The following NRG1 variants were observed in gnomAD, a reference collection of about 807,000 sequenced individuals.
The protein encoded by NRG1 is pro-neuregulin-1, membrane-bound isoform.
NRG1 carries 18 observed loss-of-function variants against 63.8 expected under a neutral mutation model. That is an observed-to-expected ratio of 0.28 (90% CI 0.19 to 0.42). The LOEUF (loss-of-function observed/expected upper bound fraction) is 0.42. Among genes scored for constraint, NRG1 ranks in the 10% least tolerant of loss-of-function variants. The probability of loss-of-function intolerance (pLI) is 1.00; values close to 1 mark genes in which losing one functional copy is unlikely to be tolerated. For synonymous variants in NRG1, 302 were observed against 301.3 expected, an observed-to-expected ratio of 1.00 and a Z score of -0.02; for missense variants, 762 against 814.7, an observed-to-expected ratio of 0.94 and a Z score of 0.79.
rs113454230 is a variant in NRG1, at chr8:32,585,866, T to C, written c.101-9962T>C. ...CCTATTGATAGATCATTAAATAAAATCTTTAGCACATTGTCTGGTAGTTAA... is the reference window on the plus strand; with the variant it reads ...CCTATTGATAGATCATTAAATAAAACCTTTAGCACATTGTCTGGTAGTTAA... On this transcript the variant is annotated intron_variant, in intron 1 of 11. Coordinates refer to ENST00000356819, the Ensembl canonical transcript of NRG1. Among the ~76,000 whole-genome samples the C allele has an allele frequency of 4.0e-3, 614 of 152,242 alleles. 2 individuals carry two copies. Among genetic ancestry groups the C allele is most frequent in the Middle Eastern group, 0.02 (6 of 294 alleles).
At chr8:32,323,578 G>C (rs529395415) in intron 1 of NRG1, among the ~76,000 whole-genome samples, 1 of 152,330 alleles carries the variant, frequency 6.6e-6, no homozygotes, top group Non-Finnish European at 1.5e-5. Context: ...AGAATTGTGA[G>C]CTCTAAATGA....
At chr8:32,530,948 A>C (rs1331146737) in intron 1 of NRG1, among the ~76,000 whole-genome samples, 1 of 152,118 alleles carries the variant, frequency 6.6e-6, no homozygotes, top group Non-Finnish European at 1.5e-5. Context: ...AAATACAAAA[A>C]TTAGCCAGAC....
intron 1 of NRG1, among the ~76,000 whole-genome samples, chr8:32,048,159 A>G (rs895707639): frequency 6.6e-6 from 1 of 151,766 alleles, no homozygotes; most frequent in Non-Finnish European, 1.5e-5. Flanking sequence ...ACTGATGGAC[A>G]CTGAGGTTAA....
At chr8:32,158,277 G>T (rs1170098309) in intron 1 of NRG1, among the ~76,000 whole-genome samples, 1 of 151,130 alleles carries the variant, frequency 6.6e-6, no homozygotes, top group Non-Finnish European at 1.5e-5. Context: ...GATCACCCAG[G>T]GTACTTTTAA....
Position 32,119,899 on chromosome 8 carries a change from G to T in NRG1, c.38-475929G>T, listed in dbSNP as rs116456935. Among the ~76,000 whole-genome samples the T allele has an allele frequency of 5.1e-3, 775 of 152,182 alleles. 4 individuals carry two copies. Among genetic ancestry groups the T allele is most frequent in the African/African-American group, 0.018 (738 of 41,546 alleles). The stretch of plus-strand genomic sequence containing the variant: ...AGTTTTTGATCTATTAGTTCTAGCA[G>T]TTAGCTTCCTCTAAAAAATACAATT... On this transcript the variant is annotated intron_variant, in intron 1 of 10. Transcript: ENST00000519301.
chr8:31,648,131 T>G (rs1804468415), intron 1 of NRG1, among the ~76,000 whole-genome samples: 1 of 127,566 alleles, frequency 7.8e-6, no homozygotes, highest in Non-Finnish European at 1.6e-5. Context: ...ACTCTTTTTT[T>G]TTTTTTTTTT....
At chr8:32,328,428 C>CTT (rs61698666) in intron 1 of NRG1, among the ~76,000 whole-genome samples, 46 of 141,418 alleles carry the variant, frequency 3.3e-4, no homozygotes, top group Non-Finnish European at 4.3e-4. Flanking sequence ...AATTTAACAT[C>CTT]TTTTTTTTTT....
At chr8:32,139,492 A>G (rs994289536) in intron 1 of NRG1, 2 of 152,228 alleles carry the variant, frequency 1.3e-5, no homozygotes, top group African/African-American at 4.8e-5. Context: ...TGATCTCTGA[A>G]AAAGTAATAT....
At chr8:32,065,359 C>A (rs979159452) in intron 1 of NRG1, among the ~76,000 whole-genome samples, 1 of 152,144 alleles carries the variant, frequency 6.6e-6, no homozygotes, top group Admixed American at 6.6e-5. Context: ...CCCCCTCCCA[C>A]CACCCCACAA....
intron 1 of NRG1, among the ~76,000 whole-genome samples, chr8:31,920,292 G>A (rs533443932): frequency 2.3e-5 from 2 of 87,150 alleles, no homozygotes; most frequent in Admixed American, 1.3e-4. Flanking sequence ...AACTACCTTC[G>A]TGCTTTAAAT....
chr8:32,054,023 A>T (rs1047706858), intron 1 of NRG1, among the ~76,000 whole-genome samples: 5 of 152,226 alleles, frequency 3.3e-5, no homozygotes, highest in African/African-American at 1.2e-4. Flanking sequence ...ATGTGATATA[A>T]TGTAATGGCC....
chr8:31,881,061 A>T (rs1270104506), intron 1 of NRG1, among the ~76,000 whole-genome samples: 1 of 152,154 alleles, frequency 6.6e-6, no homozygotes, highest in Non-Finnish European at 1.5e-5. Context: ...TCATTCATTC[A>T]TTTATTCAAC....
At position 32,233,983 on chromosome 8, in the gene NRG1, T is replaced by C. The variant is rs200145213; in HGVS notation, c.38-361845T>C. ...TGTCTGAAACATGTCCAGATTTTTA[T>C]TTCAGTGGCTTAGTTTTGCCACAGA... On this transcript the variant is annotated intron_variant, in intron 1 of 10. Transcript: ENST00000519301. Among the ~76,000 whole-genome samples the C allele has an allele frequency of 1.1e-4, 16 of 152,334 alleles. 1 individual carries two copies. In the South Asian group the frequency reaches 3.3e-3, roughly 32 times the overall value.
At chr8:32,432,212 T>C (rs1360167512) in intron 1 of NRG1, among the ~76,000 whole-genome samples, 2 of 152,250 alleles carry the variant, frequency 1.3e-5, no homozygotes, top group East Asian at 3.9e-4. Flanking sequence ...TACTAGACAG[T>C]AATAGAAAAT....
At chr8:31,781,364 A>G (rs1181832483) in intron 1 of NRG1, among the ~76,000 whole-genome samples, 1 of 152,182 alleles carries the variant, frequency 6.6e-6, no homozygotes, top group Non-Finnish European at 1.5e-5. Flanking sequence ...TGATCTTTAT[A>G]GTCACTGGCA....
At chr8:32,701,286 A>G (rs1425202807) in intron 5 of NRG1, among the ~76,000 whole-genome samples, 1 of 152,254 alleles carries the variant, frequency 6.6e-6, no homozygotes, top group East Asian at 1.9e-4. Context: ...TTAGTAAGTC[A>G]GACATCTTTT....
chr8:32,191,268 A>G (rs185021746), intron 1 of NRG1, among the ~76,000 whole-genome samples: 21 of 152,042 alleles, frequency 1.4e-4, no homozygotes, highest in African/African-American at 4.6e-4. Flanking sequence ...TATTTTTAGC[A>G]GGGACAGGGT....
intron 1 of NRG1, among the ~76,000 whole-genome samples, chr8:32,303,567 A>C (rs1370029367): frequency 1.3e-5 from 2 of 152,228 alleles, no homozygotes; most frequent in Non-Finnish European, 2.9e-5. Flanking sequence ...CCGTTAGCAA[A>C]AGAACATTTA....
chr8:32,726,279 T>G (rs1822161233), intron 5 of NRG1, among the ~76,000 whole-genome samples: 1 of 152,126 alleles, frequency 6.6e-6, no homozygotes, highest in Non-Finnish European at 1.5e-5. Flanking sequence ...ATTAAGAGCC[T>G]TCCCTGCTTG....
Sources: allele counts gnomAD v4.1 joint callset (sites outside exome capture counted in the v4.1 genomes callset), GRCh38; gene constraint gnomAD v4.1.1; transcripts MANE v1.5; gene names NCBI Gene and HGNC (gene_info 2026-07-23, HGNC 2026-07-21).